The following FTCDNL1 variants were observed in gnomAD, a reference collection of about 807,000 sequenced individuals.
FTCDNL1 encodes the protein formiminotransferase cyclodeaminase N-terminal like.
In FTCDNL1, 11 loss-of-function variants were observed where a neutral mutation model predicts 5.9. That is an observed-to-expected ratio of 1.87 (90% CI 1.18 to 3.10). The LOEUF (loss-of-function observed/expected upper bound fraction) is 3.10. FTCDNL1 is among the 30% of genes most tolerant of loss of function. FTCDNL1 has a pLI of 0.00. For synonymous variants in FTCDNL1, 58 were observed against 24.8 expected (o/e 2.34, Z -3.99); for missense variants, 115 against 65.5 (o/e 1.76, Z -2.61).
chr2:199,712,943 G>A, the FTCDNL1 span, among the ~76,000 whole-genome samples: 1 of 152,172 alleles, frequency 6.6e-6, no homozygotes, highest in Non-Finnish European at 1.5e-5. Flanking sequence ...CACATTCTGA[G>A]GCACTGAGGG....
the FTCDNL1 span, among the ~76,000 whole-genome samples, chr2:199,704,057 T>C: frequency 6.6e-6 from 1 of 152,108 alleles, no homozygotes; most frequent in Admixed American, 6.5e-5. Context: ...CAGAGGACAA[T>C]TGAATCTTGC....
At chr2:199,831,271 A>G (rs974895636) in intron 3 of FTCDNL1, among the ~76,000 whole-genome samples, 3 of 152,230 alleles carry the variant, frequency 2.0e-5, no homozygotes, top group Non-Finnish European at 4.4e-5. Context: ...ATATAAAATT[A>G]ATCTGGAAAA....
chr2:199,759,532 T>C (rs570663284), downstream of FTCDNL1, among the ~76,000 whole-genome samples: 8 of 152,198 alleles, frequency 5.3e-5, no homozygotes, highest in Non-Finnish European at 1.2e-4. Flanking sequence ...TATCATACTA[T>C]GATTCTTCCA....
the FTCDNL1 span, among the ~76,000 whole-genome samples, chr2:199,689,965 G>A: frequency 6.6e-6 from 1 of 152,110 alleles, no homozygotes; most frequent in South Asian, 2.1e-4. Context: ...TCCACATGAT[G>A]AAATACTGCA....
At chr2:199,815,129 T>C (rs1227912547) in intron 4 of FTCDNL1, among the ~76,000 whole-genome samples, 19 of 152,224 alleles carry the variant, frequency 1.2e-4, no homozygotes. Flanking sequence ...TAAATATATA[T>C]GTATAAAGTA....
At chr2:199,685,269 T>C in the FTCDNL1 span, among the ~76,000 whole-genome samples, 1 of 152,174 alleles carries the variant, frequency 6.6e-6, no homozygotes, top group East Asian at 1.9e-4. Flanking sequence ...CCAGCCCACA[T>C]GGATCACCCT....
intron 3 of FTCDNL1, among the ~76,000 whole-genome samples, chr2:199,843,375 C>T (rs1191332938): frequency 1.3e-5 from 2 of 152,152 alleles, no homozygotes; most frequent in Non-Finnish European, 2.9e-5. Context: ...CAATTAAAAT[C>T]ATTATTCTGG....
chr2:199,796,083 T>C (rs188029053), intron 3 of FTCDNL1, among the ~76,000 whole-genome samples: 172 of 152,290 alleles, frequency 1.1e-3, no homozygotes, highest in African/African-American at 4.0e-3. Flanking sequence ...AGATACCAAC[T>C]ATGTCTTCTA....
chr2:199,741,008 C>T, the FTCDNL1 span, among the ~76,000 whole-genome samples: 1 of 152,140 alleles, frequency 6.6e-6, no homozygotes, highest in Admixed American at 6.5e-5. Context: ...TCACAAAGAA[C>T]GGTCATGCCA....
At chr2:199,689,122 C>A in the FTCDNL1 span, among the ~76,000 whole-genome samples, 1 of 152,130 alleles carries the variant, frequency 6.6e-6, no homozygotes, top group Non-Finnish European at 1.5e-5. Flanking sequence ...TGAAATACTG[C>A]ATAGTTATTA....
chr2:199,811,242 T>C lies in FTCDNL1; in HGVS notation c.*1463A>G, dbSNP rs1380042570. 6.6e-6 allele frequency among the ~76,000 whole-genome samples: 1 copy of C among 152,268 alleles called. No homozygotes were observed. Among genetic ancestry groups the C allele is most frequent in the Non-Finnish European group, 1.5e-5 (1 of 68,048 alleles). On this transcript the variant is annotated 3_prime_UTR_variant, in exon 5 of 5. Coordinates refer to ENST00000420128, the MANE Select transcript of FTCDNL1 (RefSeq NM_001363886.2). ...TTTAAGAATTATATCAGTTTTAACATTGCACAGAGTATAATTGGAATTTTT... is the reference window on the plus strand; with the variant it reads ...TTTAAGAATTATATCAGTTTTAACACTGCACAGAGTATAATTGGAATTTTT...
chr2:199,694,033 G>T, the FTCDNL1 span, among the ~76,000 whole-genome samples: 1 of 152,208 alleles, frequency 6.6e-6, no homozygotes, highest in African/African-American at 2.4e-5. Flanking sequence ...GGTAAGGATT[G>T]GGTATTTAAT....
At chr2:199,698,246 G>A in the FTCDNL1 span, among the ~76,000 whole-genome samples, 1 of 152,160 alleles carries the variant, frequency 6.6e-6, no homozygotes, top group African/African-American at 2.4e-5. Flanking sequence ...TACTAACAGA[G>A]CTATTGAGGA....
the FTCDNL1 span, among the ~76,000 whole-genome samples, chr2:199,723,628 T>C: frequency 1.3e-5 from 2 of 152,200 alleles, no homozygotes; most frequent in African/African-American, 4.8e-5. Flanking sequence ...CTTTTCTGCA[T>C]CTATTAAGAT....
chr2:199,710,606 T>C, the FTCDNL1 span, among the ~76,000 whole-genome samples: 2 of 152,168 alleles, frequency 1.3e-5, no homozygotes, highest in African/African-American at 4.8e-5. Flanking sequence ...GAATGTATGG[T>C]GCAGTAGAAA....
chr2:199,799,437 T>C (rs924079615), intron 3 of FTCDNL1, among the ~76,000 whole-genome samples: 4 of 152,184 alleles, frequency 2.6e-5, no homozygotes, highest in African/African-American at 7.2e-5. Context: ...TCTGCTTCTG[T>C]AGATGTGGCT....
chr2:199,695,446 A>G, the FTCDNL1 span, among the ~76,000 whole-genome samples: 1 of 152,202 alleles, frequency 6.6e-6, no homozygotes, highest in South Asian at 2.1e-4. Flanking sequence ...CCAGATTTTG[A>G]TGACTTTGTA....
the FTCDNL1 span, among the ~76,000 whole-genome samples, chr2:199,726,498 C>T: frequency 5.9e-5 from 9 of 152,224 alleles, no homozygotes; most frequent in Middle Eastern, 3.4e-3. Flanking sequence ...CATGTTTTTG[C>T]GCTGATTTTT....
chr2:199,726,569 T>A, the FTCDNL1 span, among the ~76,000 whole-genome samples: 3 of 152,148 alleles, frequency 2.0e-5, no homozygotes, highest in Non-Finnish European at 2.9e-5. Flanking sequence ...TTGTTGGGAT[T>A]TTTGTGGGTT....
Sources: gnomAD v4.1 joint callset for allele counts (sites outside exome capture counted in the v4.1 genomes callset) on GRCh38, gnomAD v4.1.1 for gene constraint, MANE v1.5 for transcripts, NCBI Gene and HGNC (gene_info 2026-07-23, HGNC 2026-07-21) for gene names.